The following NOC2L variants were observed in gnomAD, a reference collection of about 807,000 sequenced individuals.
The protein encoded by NOC2L is NOC2 like nucleolar associated transcriptional repressor.
In NOC2L, 101 loss-of-function variants were observed where a neutral mutation model predicts 94.2. The observed-to-expected ratio is 1.07, with a 90% CI of 0.91 to 1.26. NOC2L has a LOEUF of 1.26. Among genes scored for constraint, NOC2L ranks in the 50% most tolerant of loss-of-function variants. The pLI, the probability that NOC2L is intolerant of heterozygous loss-of-function variation, is 0.00. For synonymous variants in NOC2L, 531 were observed against 413.4 expected (o/e 1.28, Z -3.45); for missense variants, 1,076 against 980.1 (o/e 1.10, Z -1.31).
At position 953,434 on chromosome 1, in the gene NOC2L, C is replaced by T. The variant is rs892195432; in HGVS notation, c.889-146G>A. On this transcript the variant is annotated intron_variant, in intron 8 of 18. Transcript: ENST00000327044. ...CCTCGGGGGAGCCGTGAGTTAGGTG[C>T]TCAGTTACAGAAGTGAACAGAACAG... The T allele has an allele frequency of 1.6e-5, 10 of 629,944 alleles. No individual in the cohort carries two copies. The Admixed American group carries it at 2.2e-4, about 14-fold the overall frequency. 39.0% of individuals were successfully genotyped at this position (629,944 alleles called of 1,614,324 possible). A position where few individuals can be genotyped will look rare whatever the true frequency, so the allele number is the denominator to read the frequency against.
At position 953,300 on chromosome 1, in the gene NOC2L, C is replaced by A; in HGVS notation, c.889-12G>T. 6.7e-7 allele frequency: 1 copy of A among 1,485,622 alleles called. No homozygotes were observed. Among genetic ancestry groups the A allele is most frequent in the South Asian group, 1.1e-5 (1 of 88,428 alleles). 92.0% of individuals were successfully genotyped at this position (1,485,622 alleles called of 1,614,324 possible). On this transcript the variant is annotated splice_polypyrimidine_tract_variant and intron_variant, in intron 8 of 18. Transcript: ENST00000327044. ...ACGATCACCATTCTCTGCAGAAGGT[C>A]AGACGTCACTGGTGGCCCCCCAGCC... is the stretch of plus-strand genomic sequence containing the variant.
chr1:953,333 C>G (rs763659293), intron 8 of NOC2L, 45 bp from the exon 9 acceptor site: 7 of 1,188,520 alleles, frequency 5.9e-6, no homozygotes, highest in Non-Finnish European at 8.8e-6. Flanking sequence ...GCCTCCTCAG[C>G]AGGGATGCCC....
At chr1:946,626 C>T (rs1005062956) in intron 14 of NOC2L, 81 bp from the exon 15 acceptor site, 69 of 1,529,494 alleles carry the variant, frequency 4.5e-5, no homozygotes, top group African/African-American at 9.5e-5. Flanking sequence ...CAAAACCACG[C>T]GTGGTGGCCA....
intron 12 of NOC2L, among the ~76,000 whole-genome samples, chr1:950,207 CACAGGT>C (rs1336859577): frequency 6.6e-6 from 1 of 151,102 alleles, no homozygotes; most frequent in African/African-American, 2.4e-5. Flanking sequence ...CAGGTACACG[CACAGGT>C]ACACACGCAC....
intron 12 of NOC2L, among the ~76,000 whole-genome samples, chr1:950,542 G>A (rs111378522): frequency 0.027 from 4,044 of 151,554 alleles, 140 homozygotes; most frequent in African/African-American, 0.082. Flanking sequence ...TACACGCAAA[G>A]GTACACACAT....
chr1:953,147 G>A (rs1294845868), intron 9 of NOC2L, 28 bp downstream of exon 9: 2 of 1,515,672 alleles, frequency 1.3e-6, no homozygotes, highest in South Asian at 1.1e-5. Flanking sequence ...CAGATGCTGA[G>A]GGACACAGAC....
chr1:948,518 T>C lies in NOC2L; in HGVS notation c.1529A>G (p.Asn510Ser). 2 of 1,613,364 alleles carry C rather than the reference T, an allele frequency of 1.2e-6. No individual in the cohort carries two copies. Among genetic ancestry groups the C allele is most frequent in the Non-Finnish European group, 1.7e-6 (2 of 1,179,794 alleles). Residue 510 changes from asparagine to serine, a missense_variant, in exon 13 of 19, where the codon AAT (asparagine) becomes AGT (serine). Around this residue, in one of 3 missense-constraint regions of NOC2L, gnomAD observed 615 missense variants for 577.4 expected, o/e 1.07. Transcript: ENST00000327044. ...GTACGCCTTCTCCTGCAGGTTGACATTGGACAGCTTCAGGATCACGGAGAA... is the reference window on the plus strand; with the variant it reads ...GTACGCCTTCTCCTGCAGGTTGACACTGGACAGCTTCAGGATCACGGAGAA... ...INFSVILKLSNVNLQEKAYRD... is the reference protein window; with the variant it reads ...INFSVILKLSSVNLQEKAYRD...
intron 12 of NOC2L, among the ~76,000 whole-genome samples, chr1:950,158 G>C (rs1642214309): frequency 6.6e-6 from 1 of 151,472 alleles, no homozygotes; most frequent in South Asian, 2.1e-4. Flanking sequence ...ACACGCACAG[G>C]CACACACAAG....
intron 6 of NOC2L, 156 bp from the exon 7 acceptor site, chr1:954,238 GGACA>G (rs1642339798): frequency 1.6e-6 from 1 of 641,212 alleles, no homozygotes; most frequent in Non-Finnish European, 2.7e-6. Flanking sequence ...CCTTACAGCT[GGACA>G]GACACAGGGG....
At chr1:957,078 T>G (rs200170329) in intron 3 of NOC2L, 21 bp downstream of exon 3, 2 of 1,613,870 alleles carry the variant, frequency 1.2e-6, no homozygotes, top group African/African-American at 2.7e-5. Flanking sequence ...GCCCCCCTTC[T>G]GGTTTGGCCC....
rs1301283372 is a variant in NOC2L, at chr1:944,622, C to T, written c.*72G>A. 1 of 935,462 alleles carries T rather than the reference C, an allele frequency of 1.1e-6. No individual in the cohort carries two copies. The highest frequency in any genetic ancestry group is 1.7e-6 in the Non-Finnish European group (1 of 605,038). 57.9% of individuals were successfully genotyped at this position (935,462 alleles called of 1,614,324 possible). ...AACTGCACAGACGCCAGCCTCTAGG[C>T]CTGACTGCCAGGGAGGTGGAAACAC... is the stretch of plus-strand genomic sequence containing the variant. On this transcript the variant is annotated 3_prime_UTR_variant, in exon 19 of 19. Transcript: ENST00000327044.
intron 9 of NOC2L, 111 bp from the exon 10 acceptor site, chr1:952,711 G>A (rs1268052172): frequency 2.5e-5 from 27 of 1,090,866 alleles, no homozygotes; most frequent in Non-Finnish European, 3.6e-5. Flanking sequence ...TGGGCCTCGA[G>A]GAAGAGCCGT....
At chr1:946,349 G>A (rs562325675) in intron 15 of NOC2L, 53 bp downstream of exon 15, 9 of 1,613,096 alleles carry the variant, frequency 5.6e-6, no homozygotes, top group South Asian at 1.1e-5. Context: ...ATGTAGCTGG[G>A]GCTATACCCT....
intron 2 of NOC2L, 29 bp from the exon 3 acceptor site, chr1:957,302 T>A (rs371808085): frequency 1.2e-6 from 2 of 1,609,730 alleles, no homozygotes; most frequent in Non-Finnish European, 1.7e-6. Flanking sequence ...GCGACCCCAG[T>A]GGGAAGTGGA....
At chr1:948,404 G>T in intron 13 of NOC2L, 86 bp downstream of exon 13, 1 of 1,138,538 alleles carries the variant, frequency 8.8e-7, no homozygotes, top group Non-Finnish European at 1.3e-6. Context: ...TGAACTTGGA[G>T]GATGCCAGCC....
chr1:944,388 C>A lies in NOC2L; in HGVS notation c.*306G>T. The A allele has an allele frequency of 1.5e-6, 2 of 1,307,116 alleles. No individual in the cohort carries two copies. The highest frequency in any genetic ancestry group is 2.8e-4 in the Middle Eastern group (1 of 3,602). The allele number at this position is 1,307,116 out of a possible 1,614,324, so 81.0% of individuals were successfully genotyped here. ...CGGAGGGCAGAGGTGGTGGAAGGGG[C>A]CAGGGGCCTGCAGGCCTCCCCCTGG... On this transcript the variant is annotated 3_prime_UTR_variant, in exon 19 of 19. Transcript: ENST00000327044.
intron 5 of NOC2L, 26 bp downstream of exon 5, chr1:956,069 G>A (rs201869121): frequency 6.2e-7 from 1 of 1,614,094 alleles, no homozygotes; most frequent in Non-Finnish European, 8.5e-7. Flanking sequence ...CAGACAGCCT[G>A]GATGCCAGGC....
Position 959,201 on chromosome 1 carries a change from G to A in NOC2L, c.26+14C>T. The A allele has an allele frequency of 6.2e-7, 1 of 1,610,606 alleles. No homozygotes were observed. Among genetic ancestry groups the A allele is most frequent in the South Asian group, 1.1e-5 (1 of 90,862 alleles). On this transcript the variant is annotated intron_variant, in intron 1 of 18. Coordinates refer to ENST00000327044, the MANE Select transcript of NOC2L (RefSeq NM_015658.4). ...CACCGGGAGGCCAAATCGGCCCTCG[G>A]ACCCGCGGCTTACCTCTTGCGGCTC...
chr1:944,773 AG>A lies in NOC2L; in HGVS notation c.2170del (p.Leu724TrpfsTer35). On this transcript the variant is annotated frameshift_variant, in exon 19 of 19. Transcript: ENST00000327044. LOFTEE classifies it high-confidence loss of function. ...CAGCTGCTGCAGCTCCCCAGGGGCCAGCCCCGCCTCTGCGTCTGGGTCTCCA... is the reference window on the plus strand; with the variant it reads ...CAGCTGCTGCAGCTCCCCAGGGGCCACCCCGCCTCTGCGTCTGGGTCTCCA... ...EDGDPDAEAG[L>X]APGELQQLAQ... The A allele has an allele frequency of 6.3e-7, 1 of 1,597,328 alleles. No individual in the cohort carries two copies. The highest frequency in any genetic ancestry group is 1.3e-5 in the African/African-American group (1 of 74,678).
Sources: allele counts gnomAD v4.1 joint callset (sites outside exome capture counted in the v4.1 genomes callset), GRCh38; gene constraint gnomAD v4.1.1; regional missense constraint gnomAD v4.1.1; transcripts MANE v1.5; gene names NCBI Gene and HGNC (gene_info 2026-07-23, HGNC 2026-07-21).